ARMH4: variants seen among roughly 807,000 people sequenced by gnomAD.
The protein encoded by ARMH4 is armadillo-like helical domain-containing protein 4.
A neutral mutation model predicts 61.9 loss-of-function variants in ARMH4; 49 were observed. The ratio of observed to expected loss-of-function variants is 0.79; its 90% CI spans 0.63 to 1.00. ARMH4 has a LOEUF of 1.00. Among genes scored for constraint, ARMH4 ranks in the 50% least tolerant of loss-of-function variants. ARMH4 has a pLI of 0.00. For missense variants in ARMH4, 934 were observed against 930.0 expected (o/e 1.00, Z -0.06); for synonymous variants, 368 against 341.5 (o/e 1.08, Z -0.85).
At chr14:58,045,158 C>G (rs570134818) in intron 5 of ARMH4, among the ~76,000 whole-genome samples, 2 of 152,336 alleles carry the variant, frequency 1.3e-5, no homozygotes, top group South Asian at 4.1e-4. Flanking sequence ...AAGACACATG[C>G]ACATGTATGT....
Position 58,115,718 on chromosome 14 carries a change from T to C in ARMH4, c.1831+15794A>G, listed in dbSNP as rs141088244. Among the ~76,000 whole-genome samples, 628 of 152,278 alleles carry C rather than the reference T, an allele frequency of 4.1e-3. 6 individuals are homozygous for C. Among genetic ancestry groups the C allele is most frequent in the African/African-American group, 0.014 (583 of 41,556 alleles). On this transcript the variant is annotated intron_variant, in intron 4 of 7. Coordinates refer to ENST00000267485, the MANE Select transcript of ARMH4 (RefSeq NM_001001872.4). Reference sequence around the variant, plus strand: ...ACGAAAATGTGATACATATACACCATGGAATACTATGCAGCCATAAAAAAT... The same window carrying C: ...ACGAAAATGTGATACATATACACCACGGAATACTATGCAGCCATAAAAAAT...
In ARMH4 at chr14:58,009,711, TGA is replaced by T. The variant is rs566314577; in HGVS notation, c.2121+2406_2121+2407del. 5.1e-3 allele frequency among the ~76,000 whole-genome samples: 748 copies of T among 147,298 alleles called. 6 individuals carry two copies. Among genetic ancestry groups the T allele is most frequent in the African/African-American group, 0.017 (689 of 39,816 alleles). ...CTGTAATCCCAGCTACTCAGGAGGC[TGA>T]GGCATAAGAATCGCTTGAACCCAGG... On this transcript the variant is annotated intron_variant, in intron 6 of 7. Coordinates refer to ENST00000267485, the MANE Select transcript of ARMH4 (RefSeq NM_001001872.4).
In ARMH4 at chr14:58,005,046, A is replaced by G. The variant is rs1375184035; in HGVS notation, c.2256+2T>C. ...TAGGTTTTGCTGTTGTTGGTTCCATACCTTTCTTTTATGCCTTTTGAAGCC... is the reference window on the plus strand; with the variant it reads ...TAGGTTTTGCTGTTGTTGGTTCCATGCCTTTCTTTTATGCCTTTTGAAGCC... On this transcript the variant is annotated splice_donor_variant, in intron 7 of 7. Coordinates refer to ENST00000267485, the MANE Select transcript of ARMH4 (RefSeq NM_001001872.4). LOFTEE classifies it high-confidence loss of function. 6.2e-7 allele frequency: 1 copy of G among 1,613,960 alleles called. No individual in the cohort carries two copies. The highest frequency in any genetic ancestry group is 1.1e-5 in the South Asian group (1 of 91,080).
chr14:58,030,409 AG>A (rs1024796485), intron 5 of ARMH4, among the ~76,000 whole-genome samples: 1 of 152,218 alleles, frequency 6.6e-6, no homozygotes, highest in African/African-American at 2.4e-5. Context: ...CAAAAAATGG[AG>A]GGAAAAGAAG....
intron 4 of ARMH4, chr14:58,101,501 G>T (rs998100642): frequency 6.6e-6 from 1 of 152,228 alleles, no homozygotes; most frequent in African/African-American, 2.4e-5. Flanking sequence ...CATAGCCCAA[G>T]CAATGGTCTG....
rs1887373142 is a variant in ARMH4, at chr14:58,138,158, T to C, written c.1201A>G (p.Thr401Ala). 2 of 1,614,032 alleles carry C rather than the reference T, an allele frequency of 1.2e-6. No individual in the cohort carries two copies. The highest frequency in any genetic ancestry group is 1.7e-5 in the Admixed American group (1 of 60,002). The change falls in exon 2 of 8, where the codon ACA becomes GCA. Residue 401 changes from threonine (T) to alanine (A), a missense_variant. By Grantham distance (58) the Thr-to-Ala change is moderately conservative (BLOSUM62 0). Coordinates refer to ENST00000267485, the MANE Select transcript of ARMH4 (RefSeq NM_001001872.4). ...AFTDQSSFTPTSLMEDMKVSI... is the reference protein window; with the variant it reads ...AFTDQSSFTPASLMEDMKVSI... ...ACTTTCATGTCTTCCATCAGACTTG[T>C]GGGGGTAAAGGAACTTTGATCAGTG...
intron 4 of ARMH4, among the ~76,000 whole-genome samples, chr14:58,129,523 C>T (rs36051876): frequency 0.42 from 64,587 of 152,036 alleles, 15,257 homozygotes; most frequent in Non-Finnish European, 0.55. Context: ...AAATTACCTG[C>T]CTCTAGGCAT....
chr14:58,030,016 G>C (rs1160013195), intron 5 of ARMH4, among the ~76,000 whole-genome samples: 1 of 152,156 alleles, frequency 6.6e-6, no homozygotes, highest in Non-Finnish European at 1.5e-5. Flanking sequence ...ATATTATTCA[G>C]CCCTAAAAAG....
At chr14:58,054,251 GTGAATGATCACATAAACCTCCCACTT>G (rs1201536320) in intron 5 of ARMH4, among the ~76,000 whole-genome samples, 67 of 152,256 alleles carry the variant, frequency 4.4e-4, no homozygotes, top group African/African-American at 1.6e-3. Flanking sequence ...CAGGTTTTGT[GTGAATGATCACATAAACCTCCCACTT>G]CTCTATGGAG....
intron 4 of ARMH4, among the ~76,000 whole-genome samples, chr14:58,126,787 T>C (rs1886908836): frequency 6.6e-6 from 1 of 151,578 alleles, no homozygotes; most frequent in Non-Finnish European, 1.5e-5. Flanking sequence ...AAGTTAAACG[T>C]AGCTTCTCCA....
chr14:58,095,987 G>A lies in ARMH4; in HGVS notation c.2089+737C>T, dbSNP rs113221929. Among the ~76,000 whole-genome samples the A allele has an allele frequency of 3.2e-3, 487 of 152,242 alleles. 3 individuals carry two copies. Among genetic ancestry groups the A allele is most frequent in the African/African-American group, 0.011 (439 of 41,538 alleles). ...AAGGAGTCACTGAGAGCTTAATAGC[G>A]TCTCCCCTGACAAGAGGAGAGGGAC... On this transcript the variant is annotated intron_variant, in intron 5 of 7. Transcript: ENST00000267485.
At chr14:58,026,059 G>T (rs538044239) in intron 5 of ARMH4, among the ~76,000 whole-genome samples, 36 of 151,642 alleles carry the variant, frequency 2.4e-4, no homozygotes, top group Non-Finnish European at 5.0e-4. Flanking sequence ...CAAAGAGAAC[G>T]TCCTGCAATC....
At position 58,133,201 on chromosome 14, in the gene ARMH4, C is replaced by G; in HGVS notation, c.1510G>C (p.Val504Leu). Residue 504 changes from valine (V) to leucine (L), a missense_variant, in exon 3 of 8, where the codon GTG (valine) becomes CTG (leucine). Coordinates refer to ENST00000267485, the MANE Select transcript of ARMH4 (RefSeq NM_001001872.4). ...TGAGTAACACCAGGAACGTCAGACACAGGAGAGGGGTCCTCCTTTTCTTCC... is the reference window on the plus strand; with the variant it reads ...TGAGTAACACCAGGAACGTCAGACAGAGGAGAGGGGTCCTCCTTTTCTTCC... The part of the protein sequence containing the change: ...TEEEKEDPSP[V>L]SDVPGVTQLS... The G allele has an allele frequency of 6.2e-7, 1 of 1,614,142 alleles. No homozygotes were observed.
At chr14:58,012,510 C>T (rs1882447170) in intron 5 of ARMH4, among the ~76,000 whole-genome samples, 1 of 152,040 alleles carries the variant, frequency 6.6e-6, no homozygotes, top group Non-Finnish European at 1.5e-5. Context: ...TCATCTTTCT[C>T]AGTTTGTAAG....
intron 2 of ARMH4, among the ~76,000 whole-genome samples, chr14:58,133,892 A>G (rs551778361): frequency 6.6e-6 from 1 of 152,336 alleles, no homozygotes; most frequent in South Asian, 2.1e-4. Flanking sequence ...TACTACAGGG[A>G]GATAGGTACT....
intron 4 of ARMH4, among the ~76,000 whole-genome samples, chr14:58,098,595 G>A (rs1354661753): frequency 6.6e-6 from 1 of 152,204 alleles, no homozygotes; most frequent in Non-Finnish European, 1.5e-5. Flanking sequence ...GCATTCTTTT[G>A]TTTAATTTAA....
intron 1 of ARMH4, among the ~76,000 whole-genome samples, chr14:58,147,520 G>T (rs139683515): frequency 0.011 from 1,649 of 152,056 alleles, 35 homozygotes; most frequent in African/African-American, 0.037. Flanking sequence ...TCACCATGTT[G>T]GCCAGGATGG....
At chr14:58,117,228 A>C (rs1457915242) in intron 4 of ARMH4, among the ~76,000 whole-genome samples, 1 of 152,260 alleles carries the variant, frequency 6.6e-6, no homozygotes, top group Non-Finnish European at 1.5e-5. Context: ...TATAAAGAGA[A>C]ACACAAAGCT....
chr14:58,004,784 C>G lies in ARMH4; in HGVS notation c.2277G>C (p.Met759Ile). ...CGGCTAAGAGCATTACTCGATCTTG[C>G]ATGCTGTTGAATTCTCTCTGCTAGA... ...HKRKQREFNS[M>I]QDRVMLLADS... Residue 759 changes from methionine to isoleucine, a missense_variant, in exon 8 of 8, where the codon ATG becomes ATC. Transcript: ENST00000267485. 1 of 1,611,598 alleles carries G rather than the reference C, an allele frequency of 6.2e-7. No homozygotes were observed. Among genetic ancestry groups the G allele is most frequent in the South Asian group, 1.1e-5 (1 of 90,964 alleles).
Sources: allele counts gnomAD v4.1 joint callset (sites outside exome capture counted in the v4.1 genomes callset), GRCh38; gene constraint gnomAD v4.1.1; transcripts MANE v1.5; gene names NCBI Gene and HGNC (gene_info 2026-07-23, HGNC 2026-07-21).